The following ERBIN variants were observed in gnomAD, a reference collection of about 807,000 sequenced individuals.
The protein encoded by ERBIN is densin-180-like protein.
In ERBIN, 60 loss-of-function variants were observed where a neutral mutation model predicts 158.4. The ratio of observed to expected loss-of-function variants is 0.38; its 90% CI spans 0.31 to 0.47. The LOEUF (loss-of-function observed/expected upper bound fraction) is 0.47, where lower values mean the gene tolerates loss of function less well. ERBIN is among the 20% of genes least tolerant of loss of function. The pLI is 0.99. For missense variants in ERBIN, 1,610 were observed against 1,648.0 expected (o/e 0.98, Z 0.40); for synonymous variants, 594 against 557.2 (o/e 1.07, Z -0.93).
At position 66,054,197 on chromosome 5, in the gene ERBIN, G is replaced by T. The variant is rs1759350706; in HGVS notation, c.2879G>T (p.Gly960Val). 6.2e-7 allele frequency: 1 copy of T among 1,613,744 alleles called. No individual in the cohort carries two copies. The highest frequency in any genetic ancestry group is 1.1e-5 in the South Asian group (1 of 91,078). Residue 960 changes from glycine to valine, a missense_variant, in exon 21 of 26, where the codon GGC becomes GTC. Gly to Val is a moderately radical substitution (Grantham distance 109). Coordinates refer to ENST00000284037, the MANE Select transcript of ERBIN (RefSeq NM_001253697.2). Reference sequence around the variant, plus strand: ...CCCGAAGAGCCAAATATAATAAGAGGCCCCACAAGTGGCCCACAATCTGCA... The same window carrying T: ...CCCGAAGAGCCAAATATAATAAGAGTCCCCACAAGTGGCCCACAATCTGCA... Reference protein sequence around the residue: ...HNPEEPNIIRGPTSGPQSAPQ... With the variant: ...HNPEEPNIIRVPTSGPQSAPQ...
chr5:65,940,396 A>C (rs1392411311), intron 1 of ERBIN, among the ~76,000 whole-genome samples: 1 of 122,150 alleles, frequency 8.2e-6, no homozygotes, highest in Non-Finnish European at 1.6e-5. Context: ...CCCGGCAGCC[A>C]CCTCGTCCGG....
chr5:66,028,436 T>A, intron 14 of ERBIN, 93 bp downstream of exon 14: 1 of 861,956 alleles, frequency 1.2e-6, no homozygotes, highest in Non-Finnish European at 1.9e-6. Context: ...AGAGCAGCTA[T>A]ACATGTGGTA....
intron 12 of ERBIN, 26 bp from the exon 13 acceptor site, chr5:66,026,276 A>G: frequency 6.8e-7 from 1 of 1,480,894 alleles, no homozygotes. Flanking sequence ...AAATTTTTTG[A>G]TACTCAGTTT....
intron 21 of ERBIN, among the ~76,000 whole-genome samples, chr5:66,059,570 C>G (rs1248185500): frequency 6.6e-6 from 1 of 152,168 alleles, no homozygotes; most frequent in Non-Finnish European, 1.5e-5. Flanking sequence ...ATTTCCAACA[C>G]TATGTTGAAT....
intron 15 of ERBIN, among the ~76,000 whole-genome samples, chr5:66,039,217 C>T (rs538483471): frequency 5.4e-4 from 82 of 151,954 alleles, no homozygotes; most frequent in South Asian, 5.4e-3. Context: ...AATTATACCA[C>T]GGGCAAGTTA....
At chr5:65,987,934 A>T (rs1031406597) in intron 1 of ERBIN, among the ~76,000 whole-genome samples, 1 of 152,222 alleles carries the variant, frequency 6.6e-6, no homozygotes, top group Non-Finnish European at 1.5e-5. Flanking sequence ...TTACTAAAAT[A>T]TAATTGGCCA....
At chr5:65,933,997 G>A (rs572218934) in intron 1 of ERBIN, among the ~76,000 whole-genome samples, 6 of 152,048 alleles carry the variant, frequency 3.9e-5, no homozygotes, top group African/African-American at 1.4e-4. Context: ...CTGGATTCAC[G>A]CCAGTTCTCC....
chr5:65,945,766 A>G (rs1745664693), intron 1 of ERBIN, among the ~76,000 whole-genome samples: 1 of 152,236 alleles, frequency 6.6e-6, no homozygotes, highest in Non-Finnish European at 1.5e-5. Context: ...GTTTCACTTC[A>G]GATTTCTCAT....
chr5:66,000,107 G>A (rs1468776787), intron 4 of ERBIN, among the ~76,000 whole-genome samples: 1 of 152,134 alleles, frequency 6.6e-6, no homozygotes, highest in Non-Finnish European at 1.5e-5. Context: ...TTAAATGGGA[G>A]TTGTTAAGGT....
At chr5:65,962,503 C>T (rs949314286) in intron 1 of ERBIN, among the ~76,000 whole-genome samples, 1 of 152,074 alleles carries the variant, frequency 6.6e-6, no homozygotes, top group African/African-American at 2.4e-5. Context: ...CCTAAATCTC[C>T]GTAGCTTTTT....
At chr5:65,981,292 G>A (rs1475977857) in intron 1 of ERBIN, among the ~76,000 whole-genome samples, 1 of 152,090 alleles carries the variant, frequency 6.6e-6, no homozygotes, top group Non-Finnish European at 1.5e-5. Context: ...TATTAAAGTA[G>A]TACTCAGATA....
At chr5:65,944,320 C>T (rs1372193862) in intron 1 of ERBIN, among the ~76,000 whole-genome samples, 4 of 151,084 alleles carry the variant, frequency 2.6e-5, no homozygotes, top group African/African-American at 9.7e-5. Flanking sequence ...TCCTCACCAA[C>T]ACTTGCTATT....
chr5:65,948,484 T>C (rs1580120963), intron 1 of ERBIN, among the ~76,000 whole-genome samples: 1 of 152,102 alleles, frequency 6.6e-6, no homozygotes, highest in East Asian at 1.9e-4. Flanking sequence ...AGCTGGTTTT[T>C]TTTCTATTTA....
At chr5:66,026,274 T>G in intron 12 of ERBIN, 28 bp from the exon 13 acceptor site, 8 of 1,470,268 alleles carry the variant, frequency 5.4e-6, no homozygotes, top group Non-Finnish European at 7.3e-6. Flanking sequence ...CCAAATTTTT[T>G]GATACTCAGT....
chr5:66,013,617 T>C lies in ERBIN; in HGVS notation c.455T>C (p.Phe152Ser). 1 of 1,613,186 alleles carries C rather than the reference T, an allele frequency of 6.2e-7. No individual in the cohort carries two copies. The highest frequency in any genetic ancestry group is 1.1e-5 in the South Asian group (1 of 91,044). The part of the protein sequence containing the change: ...QLYLNDAFLE[F>S]LPANFGRLTK... ...TATCTGAATGATGCTTTTCTTGAGT[T>C]CTTGCCAGCAAATTTTGGCAGGTAA... is the stretch of plus-strand genomic sequence containing the variant. Residue 152 changes from phenylalanine to serine, a missense_variant, in exon 6 of 26, where the codon TTC becomes TCC. Physicochemically the swap from Phe to Ser is radical, Grantham distance 155. Coordinates refer to ENST00000284037, the MANE Select transcript of ERBIN (RefSeq NM_001253697.2).
chr5:66,024,275 G>C (rs747014727), intron 9 of ERBIN, 31 bp from the exon 10 acceptor site: 9 of 1,374,462 alleles, frequency 6.5e-6, no homozygotes, highest in Non-Finnish European at 9.0e-6. Flanking sequence ...AATGTTAATA[G>C]AGTCATTAGA....
intron 1 of ERBIN, among the ~76,000 whole-genome samples, chr5:65,934,354 C>G (rs568352134): frequency 6.6e-6 from 1 of 152,188 alleles, no homozygotes; most frequent in African/African-American, 2.4e-5. Flanking sequence ...CAAACTATTC[C>G]AGTTTGGAAT....
chr5:65,964,884 C>T (rs1580179529), intron 1 of ERBIN, among the ~76,000 whole-genome samples: 1 of 144,852 alleles, frequency 6.9e-6, no homozygotes, highest in Non-Finnish European at 1.5e-5. Flanking sequence ...GGACTACAGG[C>T]GTGGGCCACC....
chr5:65,953,732 C>A (rs1746777814), intron 1 of ERBIN, among the ~76,000 whole-genome samples: 1 of 152,172 alleles, frequency 6.6e-6, no homozygotes, highest in African/African-American at 2.4e-5. Flanking sequence ...TAGAAGCTTA[C>A]TGATATTAAG....
Sources: gnomAD v4.1 joint callset for allele counts (sites outside exome capture counted in the v4.1 genomes callset) on GRCh38, gnomAD v4.1.1 for gene constraint, MANE v1.5 for transcripts, NCBI Gene and HGNC (gene_info 2026-07-23, HGNC 2026-07-21) for gene names.